Variants in TSHR observed in about 807,000 individuals in gnomAD.
TSHR encodes thyrotropin receptor.
TSHR carries 51 observed loss-of-function variants against 64.1 expected under a neutral mutation model. That is an observed-to-expected ratio of 0.80 (90% CI 0.64 to 1.01). The LOEUF is 1.01. TSHR is among the 50% of genes least tolerant of loss of function. The pLI, the probability that TSHR is intolerant of heterozygous loss-of-function variation, is 0.00. For missense variants in TSHR, 877 were observed against 942.8 expected (o/e 0.93, Z 0.91); for synonymous variants, 361 against 361.9 (o/e 1.00, Z 0.03).
rs79578752 is a variant in TSHR, at chr14:81,074,550, A to G, written c.317+6222A>G. ...TTAATTTATATACCATATAAGTACC[A>G]TCAACCAAACGTTCCTGGGATTCCT... On this transcript the variant is annotated intron_variant, in intron 3 of 9. Transcript: ENST00000298171. Among the ~76,000 whole-genome samples the G allele has an allele frequency of 9.7e-3, 1,481 of 152,298 alleles. 26 individuals are homozygous for G. Among genetic ancestry groups the G allele is most frequent in the African/African-American group, 0.033 (1,388 of 41,576 alleles).
intron 8 of TSHR, among the ~76,000 whole-genome samples, chr14:81,110,157 G>T (rs1208709557): frequency 6.6e-6 from 1 of 152,128 alleles, no homozygotes; most frequent in Non-Finnish European, 1.5e-5. Flanking sequence ...ATTTTAACTT[G>T]TTTTTAAATC....
chr14:80,988,322 G>T (rs527753566), intron 1 of TSHR, among the ~76,000 whole-genome samples: 1 of 152,254 alleles, frequency 6.6e-6, no homozygotes, highest in South Asian at 2.1e-4. Flanking sequence ...TTCTGGGGAA[G>T]CCTCAGGAAA....
rs181595665 is a variant in TSHR at position 81,060,621 on chromosome 14, T to C, written c.171-1527T>C. On this transcript the variant is annotated intron_variant, in intron 1 of 9. Transcript: ENST00000298171. Reference sequence around the variant, plus strand: ...GCAAGTTACAGATATATTTTAATAGTTGCAAAAATGAATACTTCAAAGAAA... The same window carrying C: ...GCAAGTTACAGATATATTTTAATAGCTGCAAAAATGAATACTTCAAAGAAA... Among the ~76,000 whole-genome samples, 21 of 152,250 alleles carry C rather than the reference T, an allele frequency of 1.4e-4. No individual in the cohort carries two copies. In the East Asian group the frequency reaches 3.9e-3, roughly 28 times the overall value.
chr14:81,115,871 A>C (rs1370258038), intron 8 of TSHR, among the ~76,000 whole-genome samples: 1 of 151,992 alleles, frequency 6.6e-6, no homozygotes, highest in Admixed American at 6.6e-5. Flanking sequence ...GTGGGGGCCA[A>C]TATTCAACAT....
At chr14:81,018,439 T>C (rs1374718640) in intron 1 of TSHR, among the ~76,000 whole-genome samples, 1 of 152,178 alleles carries the variant, frequency 6.6e-6, no homozygotes. Flanking sequence ...ACACAGCGAA[T>C]GAGGAAGCAG....
rs117584974 is a variant in TSHR at position 80,973,629 on chromosome 14, C to T, written c.170+17779C>T. Reference sequence around the variant, plus strand: ...GCGACTTAATAGCAATGCATGAAGCCATTATTCATAACTCTTTTAGAGTCA... The same window carrying T: ...GCGACTTAATAGCAATGCATGAAGCTATTATTCATAACTCTTTTAGAGTCA... On this transcript the variant is annotated intron_variant, in intron 1 of 9. Transcript: ENST00000298171. 3.1e-4 allele frequency among the ~76,000 whole-genome samples: 47 copies of T among 152,150 alleles called. No individual in the cohort carries two copies. The East Asian group carries it at 8.1e-3, about 26-fold the overall frequency.
intron 1 of TSHR, among the ~76,000 whole-genome samples, chr14:81,053,988 T>C (rs951322852): frequency 1.3e-5 from 2 of 152,198 alleles, no homozygotes; most frequent in South Asian, 2.1e-4. Flanking sequence ...AAATCTGTGA[T>C]GATAGAAGTC....
At position 80,985,646 on chromosome 14, in the gene TSHR, A is replaced by G. The variant is rs562271128; in HGVS notation, c.170+29796A>G. Among the ~76,000 whole-genome samples, 33 of 152,342 alleles carry G rather than the reference A, an allele frequency of 2.2e-4. 1 individual carries two copies. The highest frequency in any genetic ancestry group is 7.9e-4 in the African/African-American group (33 of 41,584). ...AGTCTGAGCTGAAACGGAAGTTTCT[A>G]TGTGTGAAAATATGGGGTAATATGC... On this transcript the variant is annotated intron_variant, in intron 1 of 9. Coordinates refer to ENST00000298171, the MANE Select transcript of TSHR (RefSeq NM_000369.5).
At chr14:81,006,029 G>T (rs1342881459) in intron 1 of TSHR, among the ~76,000 whole-genome samples, 3 of 152,022 alleles carry the variant, frequency 2.0e-5, no homozygotes, top group African/African-American at 7.2e-5. Context: ...ACAGTAAAAG[G>T]CATAACTGGG....
chr14:81,124,406 T>G (rs150405438), intron 8 of TSHR, among the ~76,000 whole-genome samples: 13 of 152,294 alleles, frequency 8.5e-5, no homozygotes, highest in African/African-American at 2.6e-4. Flanking sequence ...ATTTTTTAAG[T>G]GTACAGGTTG....
chr14:81,100,902 G>C (rs548138008), intron 7 of TSHR, among the ~76,000 whole-genome samples: 85 of 152,256 alleles, frequency 5.6e-4, no homozygotes, highest in Admixed American at 2.0e-3. Flanking sequence ...CATTACATAG[G>C]CTTGATTTAT....
At chr14:80,983,410 C>A in intron 1 of TSHR, 1 of 1,177,398 alleles carries the variant, frequency 8.5e-7, no homozygotes, top group East Asian at 2.4e-5. Context: ...TTAAATATAT[C>A]TGAAAATCCA....
intron 3 of TSHR, among the ~76,000 whole-genome samples, chr14:81,084,873 C>CT (rs1888171326): frequency 6.6e-6 from 1 of 152,182 alleles, no homozygotes; most frequent in South Asian, 2.1e-4. Context: ...ATTAGATGTT[C>CT]TTTTGTACTC....
At chr14:81,052,799 T>C (rs1436312472) in intron 1 of TSHR, 1 of 152,184 alleles carries the variant, frequency 6.6e-6, no homozygotes, top group Non-Finnish European at 1.5e-5. Flanking sequence ...TTTATAGCTA[T>C]TGCAAATGGA....
intron 1 of TSHR, among the ~76,000 whole-genome samples, chr14:80,964,904 A>G (rs1002563696): frequency 6.6e-6 from 1 of 152,238 alleles, no homozygotes; most frequent in Admixed American, 6.5e-5. Context: ...TTACTACTTG[A>G]GACCGTCACT....
At chr14:81,107,280 T>G (rs1443178062) in intron 7 of TSHR, 2 of 152,176 alleles carry the variant, frequency 1.3e-5, no homozygotes, top group Non-Finnish European at 2.9e-5. Flanking sequence ...AGTAGAATAA[T>G]GGAAGCATTA....
At chr14:81,088,249 A>G (rs1297741046) in intron 4 of TSHR, among the ~76,000 whole-genome samples, 1 of 152,222 alleles carries the variant, frequency 6.6e-6, no homozygotes, top group African/African-American at 2.4e-5. Flanking sequence ...TCCAAGAAAC[A>G]GGAGGGAGAA....
intron 6 of TSHR, among the ~76,000 whole-genome samples, chr14:81,095,795 C>T (rs1375454120): frequency 6.6e-6 from 1 of 151,946 alleles, no homozygotes; most frequent in Non-Finnish European, 1.5e-5. Context: ...CACCTGTAAT[C>T]CCCAGTGTTT....
intron 1 of TSHR, among the ~76,000 whole-genome samples, chr14:80,990,338 A>G (rs953455699): frequency 6.6e-6 from 1 of 152,188 alleles, no homozygotes; most frequent in Non-Finnish European, 1.5e-5. Context: ...GCAGCTCATA[A>G]TAAGCAACTT....
Sources: gnomAD v4.1 joint callset for allele counts (sites outside exome capture counted in the v4.1 genomes callset) on GRCh38, gnomAD v4.1.1 for gene constraint, MANE v1.5 for transcripts, NCBI Gene and HGNC (gene_info 2026-07-23, HGNC 2026-07-21) for gene names.